The following POLK variants were observed in gnomAD, a reference collection of about 807,000 sequenced individuals.
POLK encodes polymerase (DNA directed) kappa.
Under a neutral mutation model 94.0 loss-of-function variants are expected in POLK, and 76 were observed. The observed-to-expected ratio is 0.81, with a 90% CI of 0.67 to 0.98. The LOEUF is 0.98. POLK is among the 50% of genes least tolerant of loss of function. The pLI is 0.00. For synonymous variants in POLK, 349 were observed against 325.4 expected (o/e 1.07, Z -0.78); for missense variants, 954 against 1,010.1 (o/e 0.94, Z 0.75).
chr5:75,548,056 A>T (rs1204697061), intron 2 of POLK, among the ~76,000 whole-genome samples: 1 of 152,060 alleles, frequency 6.6e-6, no homozygotes, highest in South Asian at 2.1e-4. Context: ...TTGAAGAGCT[A>T]GGACAATAGG....
chr5:75,568,699 AT>A (rs1287316083), intron 3 of POLK: 2 of 441,602 alleles, frequency 4.5e-6, no homozygotes, highest in South Asian at 3.3e-5. Context: ...TTTTAACATT[AT>A]AAAAGCAATT....
intron 1 of POLK, among the ~76,000 whole-genome samples, chr5:75,534,272 A>G (rs1769336741): frequency 6.6e-6 from 1 of 151,980 alleles, no homozygotes; most frequent in African/African-American, 2.4e-5. Flanking sequence ...TCTTAAAAAA[A>G]AAAAAAAAAA....
intron 2 of POLK, 39 bp from the exon 3 acceptor site, chr5:75,552,433 A>G (rs191068342): frequency 1.3e-5 from 21 of 1,593,092 alleles, no homozygotes; most frequent in Non-Finnish European, 1.6e-5. Context: ...GCTTTCCTTC[A>G]GACATTTTTC....
intron 12 of POLK, among the ~76,000 whole-genome samples, chr5:75,594,856 C>T (rs1772981520): frequency 6.6e-6 from 1 of 152,176 alleles, no homozygotes; most frequent in Non-Finnish European, 1.5e-5. Context: ...TGTGGATCAC[C>T]ACTCCAAATG....
chr5:75,576,102 C>T (rs1030071021), intron 5 of POLK, among the ~76,000 whole-genome samples: 21 of 152,048 alleles, frequency 1.4e-4, no homozygotes, highest in Non-Finnish European at 2.1e-4. Context: ...TAATTCTAAT[C>T]TTTATATGTA....
chr5:75,554,150 A>G (rs983631917), intron 3 of POLK, among the ~76,000 whole-genome samples: 6 of 152,306 alleles, frequency 3.9e-5, no homozygotes, highest in South Asian at 4.1e-4. Context: ...TTTAAGTTAC[A>G]TGGCCACACC....
intron 1 of POLK, chr5:75,538,604 T>G (rs1769574612): frequency 6.6e-6 from 1 of 152,150 alleles, no homozygotes; most frequent in African/African-American, 2.4e-5. Flanking sequence ...TGGTGGGAGC[T>G]TTCTGGTGAA....
intron 9 of POLK, among the ~76,000 whole-genome samples, chr5:75,586,184 C>T (rs1772461481): frequency 6.6e-6 from 1 of 152,012 alleles, no homozygotes; most frequent in Non-Finnish European, 1.5e-5. Context: ...ACATGCAATT[C>T]ATAGGTAATT....
exon 6 of POLK, chr5:75,576,908 C>A: frequency 1.3e-6 from 2 of 1,553,226 alleles, no homozygotes; most frequent in Non-Finnish European, 1.7e-6. Context: ...GGTATTTCAT[C>A]AAAATGGGAA....
intron 1 of POLK, among the ~76,000 whole-genome samples, chr5:75,520,373 C>A (rs148549842): frequency 6.6e-6 from 1 of 152,074 alleles, no homozygotes; most frequent in Admixed American, 6.6e-5. Context: ...TATGTACTTA[C>A]CTTTACCAGA....
intron 11 of POLK, among the ~76,000 whole-genome samples, chr5:75,592,437 G>A (rs1284195308): frequency 1.3e-5 from 2 of 152,212 alleles, no homozygotes; most frequent in Non-Finnish European, 2.9e-5. Context: ...TGGGGGGCCA[G>A]GCACGGTGGC....
At chr5:75,511,392 G>A (rs1472741451), upstream of POLK, 6 of 1,546,494 alleles carry the variant, frequency 3.9e-6, no homozygotes, top group African/African-American at 6.8e-5. Flanking sequence ...ACACCGAGCG[G>A]AGCGAGGAAG....
At chr5:75,589,380 TACACACATACACACACACACACACAC>T (rs1244481647) in intron 10 of POLK, among the ~76,000 whole-genome samples, 3 of 67,794 alleles carry the variant, frequency 4.4e-5, no homozygotes, top group African/African-American at 1.6e-4. Flanking sequence ...TTTATATATA[TACACACATACACACACACACACACAC>T]ACACACACAC....
chr5:75,552,421 A>G, intron 2 of POLK, 51 bp from the exon 3 acceptor site: 1 of 1,578,730 alleles, frequency 6.3e-7, no homozygotes, highest in Non-Finnish European at 8.6e-7. Context: ...TACTACAGTG[A>G]TGCTTTCCTT....
intron 13 of POLK, 108 bp downstream of exon 13, chr5:75,597,286 G>A (rs1773144022): frequency 1.5e-6 from 1 of 668,680 alleles, no homozygotes; most frequent in Non-Finnish European, 2.6e-6. Context: ...TGGGTAGTTT[G>A]TGTATGCCGC....
At chr5:75,607,611 CTGA>C in the POLK span, among the ~76,000 whole-genome samples, 1 of 152,096 alleles carries the variant, frequency 6.6e-6, no homozygotes, top group Non-Finnish European at 1.5e-5. Flanking sequence ...CCGTTTACAC[CTGA>C]ACATAAGGGT....
chr5:75,573,660 G>A lies in POLK; in HGVS notation c.409-78G>A, dbSNP rs565738592. Reference sequence around the variant, plus strand: ...TTGAATTGAAAATGCACATATTAATGTGTTTCTTATGAATGCATTGATCAA... The same window carrying A: ...TTGAATTGAAAATGCACATATTAATATGTTTCTTATGAATGCATTGATCAA... On this transcript the variant is annotated intron_variant, in intron 4 of 14. Transcript: ENST00000241436. 261 of 1,150,328 alleles carry A rather than the reference G, an allele frequency of 2.3e-4. No homozygotes were observed. The African/African-American group carries it at 3.6e-3, about 16-fold the overall frequency. 71.3% of individuals were successfully genotyped at this position (1,150,328 alleles called of 1,614,324 possible). A position where few individuals can be genotyped will look rare whatever the true frequency, so the allele number is the denominator to read the frequency against.
chr5:75,570,630 AG>A (rs1481924366), intron 4 of POLK, among the ~76,000 whole-genome samples: 1 of 152,192 alleles, frequency 6.6e-6, no homozygotes, highest in Non-Finnish European at 1.5e-5. Flanking sequence ...CTGATTACTG[AG>A]TTGCTCTTCC....
chr5:75,550,648 C>CA (rs1034690995), intron 2 of POLK, among the ~76,000 whole-genome samples: 8 of 151,832 alleles, frequency 5.3e-5, no homozygotes, highest in Non-Finnish European at 8.8e-5. Flanking sequence ...AAATAAAGGG[C>CA]AAAAAAACCA....
Sources: allele counts gnomAD v4.1 joint callset (sites outside exome capture counted in the v4.1 genomes callset), GRCh38; gene constraint gnomAD v4.1.1; transcripts MANE v1.5; gene names NCBI Gene and HGNC (gene_info 2026-07-23, HGNC 2026-07-21).